Variants in VEGFC observed in about 807,000 individuals in gnomAD.
VEGFC encodes FLT4 ligand DHM.
A neutral mutation model predicts 46.1 loss-of-function variants in VEGFC; 12 were observed. The ratio of observed to expected loss-of-function variants is 0.26; its 90% CI spans 0.17 to 0.42. The LOEUF is 0.42. Ranked by LOEUF, VEGFC falls within the 10% of genes least tolerant of loss-of-function variation. The pLI, the probability that VEGFC is intolerant of heterozygous loss-of-function variation, is 1.00. For missense variants in VEGFC, 488 were observed against 529.4 expected (o/e 0.92, Z 0.77); for synonymous variants, 232 against 195.5 (o/e 1.19, Z -1.56).
At chr4:176,723,840 TTTA>T (rs1387880075) in intron 3 of VEGFC, among the ~76,000 whole-genome samples, 2 of 147,172 alleles carry the variant, frequency 1.4e-5, no homozygotes, top group Non-Finnish European at 3.0e-5. Context: ...GGTTTGGGGT[TTTA>T]TTTTAGGTTT....
chr4:176,696,788 A>G (rs1376196235), intron 4 of VEGFC, among the ~76,000 whole-genome samples: 4 of 152,230 alleles, frequency 2.6e-5, no homozygotes, highest in Non-Finnish European at 5.9e-5. Flanking sequence ...AAACAGAGAT[A>G]TAGATCAATG....
chr4:176,735,973 T>C (rs1219711752), intron 1 of VEGFC, among the ~76,000 whole-genome samples: 1 of 151,918 alleles, frequency 6.6e-6, no homozygotes, highest in African/African-American at 2.4e-5. Context: ...TAATTTGCCT[T>C]AATTGAAATA....
At chr4:176,713,217 C>G (rs1043224830) in intron 3 of VEGFC, among the ~76,000 whole-genome samples, 1 of 152,130 alleles carries the variant, frequency 6.6e-6, no homozygotes, top group Admixed American at 6.5e-5. Context: ...TCAACATATG[C>G]CACTATTATG....
chr4:176,775,025 T>C (rs534872833), intron 1 of VEGFC, among the ~76,000 whole-genome samples: 2 of 152,280 alleles, frequency 1.3e-5, no homozygotes, highest in South Asian at 4.1e-4. Flanking sequence ...GGAAATACAC[T>C]GTGCAGATAA....
At chr4:176,774,733 G>A (rs367595783) in intron 1 of VEGFC, among the ~76,000 whole-genome samples, 18 of 150,756 alleles carry the variant, frequency 1.2e-4, no homozygotes, top group Admixed American at 4.0e-4. Flanking sequence ...TGGGTGCAGC[G>A]CACCAGCATG....
intron 1 of VEGFC, among the ~76,000 whole-genome samples, chr4:176,758,548 A>T (rs1043884895): frequency 6.6e-6 from 1 of 152,114 alleles, no homozygotes; most frequent in African/African-American, 2.4e-5. Flanking sequence ...TGTGGTTATC[A>T]ATCTCGATTG....
chr4:176,753,663 G>A (rs1459436159), intron 1 of VEGFC, among the ~76,000 whole-genome samples: 1 of 152,022 alleles, frequency 6.6e-6, no homozygotes, highest in Non-Finnish European at 1.5e-5. Context: ...TACATGAATT[G>A]TTTTAAAATA....
intron 1 of VEGFC, among the ~76,000 whole-genome samples, chr4:176,782,481 AT>A (rs750474651): frequency 0.023 from 3,456 of 148,476 alleles, 91 homozygotes; most frequent in African/African-American, 0.068. Flanking sequence ...AAAAAAAAAA[AT>A]TTTTAAATAA....
intron 4 of VEGFC, among the ~76,000 whole-genome samples, chr4:176,709,316 A>C (rs573740913): frequency 6.6e-6 from 1 of 152,338 alleles, no homozygotes; most frequent in African/African-American, 2.4e-5. Context: ...GGCTGAGAGC[A>C]CAGGAATGGC....
At chr4:176,710,262 G>T (rs576271469) in intron 4 of VEGFC, among the ~76,000 whole-genome samples, 12 of 152,282 alleles carry the variant, frequency 7.9e-5, no homozygotes, top group African/African-American at 2.6e-4. Flanking sequence ...GTCACTGAGG[G>T]CTTCTGCTCA....
At chr4:176,776,390 T>G (rs1735813901) in intron 1 of VEGFC, among the ~76,000 whole-genome samples, 1 of 152,212 alleles carries the variant, frequency 6.6e-6, no homozygotes, top group African/African-American at 2.4e-5. Context: ...TTGAATTTTT[T>G]TCTTCGTTTT....
At chr4:176,744,361 A>T (rs1560953228) in intron 1 of VEGFC, among the ~76,000 whole-genome samples, 1 of 152,188 alleles carries the variant, frequency 6.6e-6, no homozygotes, top group Non-Finnish European at 1.5e-5. Context: ...AAAGAAAAAA[A>T]AAACCTATTT....
At chr4:176,695,801 C>T (rs1268993940) in intron 4 of VEGFC, among the ~76,000 whole-genome samples, 2 of 152,040 alleles carry the variant, frequency 1.3e-5, no homozygotes, top group African/African-American at 2.4e-5. Context: ...GGGCTTCATC[C>T]CTGGGATGCA....
intron 1 of VEGFC, among the ~76,000 whole-genome samples, chr4:176,785,219 T>C (rs1735981610): frequency 6.6e-6 from 1 of 152,226 alleles, no homozygotes; most frequent in African/African-American, 2.4e-5. Context: ...TTAGGTAAAT[T>C]AAATTACAAA....
chr4:176,736,556 C>T (rs149752474), intron 1 of VEGFC, among the ~76,000 whole-genome samples: 118 of 151,638 alleles, frequency 7.8e-4, no homozygotes, highest in African/African-American at 2.6e-3. Context: ...TAACATAATG[C>T]TTAGTACACG....
intron 1 of VEGFC, among the ~76,000 whole-genome samples, chr4:176,749,190 G>A (rs1735303107): frequency 6.6e-6 from 1 of 151,810 alleles, no homozygotes; most frequent in African/African-American, 2.4e-5. Flanking sequence ...AATGAATACA[G>A]GAGAATGGAT....
chr4:176,716,924 C>T (rs1307772599), intron 3 of VEGFC, among the ~76,000 whole-genome samples: 5 of 152,046 alleles, frequency 3.3e-5, no homozygotes, highest in African/African-American at 1.2e-4. Context: ...ATAGTATTTT[C>T]TGTTCTACAT....
At chr4:176,736,475 A>G (rs531272298) in intron 1 of VEGFC, among the ~76,000 whole-genome samples, 48 of 151,482 alleles carry the variant, frequency 3.2e-4, no homozygotes, top group African/African-American at 1.1e-3. Context: ...TAGTTCTACT[A>G]TAAAAAATAT....
In VEGFC at chr4:176,727,959, T is replaced by C; in HGVS notation, c.371A>G (p.Asn124Ser). 1 of 1,608,092 alleles carries C rather than the reference T, an allele frequency of 6.2e-7. No homozygotes were observed. ...YNTEILKSID[N>S]EWRKTQCMPR... The stretch of plus-strand genomic sequence containing the variant: ...CATGCATTGAGTCTTTCTCCACTCA[T>C]TATCAATACCTGTCAAGTCATAGGG... Residue 124 changes from asparagine (N) to serine (S), a missense_variant, in exon 3 of 7, where the codon AAT becomes AGT. Physicochemically the swap from Asn to Ser is conservative, Grantham distance 46. Transcript: ENST00000618562.
Sources: allele counts gnomAD v4.1 joint callset (sites outside exome capture counted in the v4.1 genomes callset), GRCh38; gene constraint gnomAD v4.1.1; transcripts MANE v1.5; gene names NCBI Gene and HGNC (gene_info 2026-07-23, HGNC 2026-07-21).